ITGB6: variants seen among roughly 807,000 people sequenced by gnomAD.
The protein encoded by ITGB6 is integrin subunit beta 6.
ITGB6 carries 80 observed loss-of-function variants against 84.5 expected under a neutral mutation model. The observed-to-expected ratio is 0.95, with a 90% confidence interval of 0.79 to 1.14. The LOEUF (loss-of-function observed/expected upper bound fraction) is 1.14, where lower values mean the gene tolerates loss of function less well. ITGB6 is among the 50% of genes most tolerant of loss of function. ITGB6 has a pLI of 0.00. For missense variants in ITGB6, 1,006 were observed against 968.0 expected, an observed-to-expected ratio of 1.04 and a Z score of -0.52; for synonymous variants, 383 against 354.9, an observed-to-expected ratio of 1.08 and a Z score of -0.89.
intron 13 of ITGB6, among the ~76,000 whole-genome samples, chr2:160,109,503 G>T (rs966479835): frequency 5.9e-5 from 9 of 152,200 alleles, no homozygotes; most frequent in Non-Finnish European, 1.2e-4. Flanking sequence ...CTCCAGGAGG[G>T]ACTAAAGAAG....
At chr2:160,188,100 A>G (rs906198287) in intron 4 of ITGB6, among the ~76,000 whole-genome samples, 1 of 152,200 alleles carries the variant, frequency 6.6e-6, no homozygotes, top group Non-Finnish European at 1.5e-5. Context: ...GCTCAAAGAG[A>G]GTAATGGTTT....
chr2:160,109,724 A>C (rs1246652533), intron 13 of ITGB6, among the ~76,000 whole-genome samples: 1 of 152,224 alleles, frequency 6.6e-6, no homozygotes, highest in African/African-American at 2.4e-5. Flanking sequence ...CACTGTGGGC[A>C]ATGTGGCCCA....
intron 7 of ITGB6, among the ~76,000 whole-genome samples, chr2:160,151,221 AG>A (rs1377046135): frequency 6.6e-6 from 1 of 152,238 alleles, no homozygotes; most frequent in African/African-American, 2.4e-5. Flanking sequence ...CAAATGTAAA[AG>A]AACAGAAATC....
chr2:160,142,772 A>G (rs867604370), intron 7 of ITGB6, among the ~76,000 whole-genome samples: 1 of 152,018 alleles, frequency 6.6e-6, no homozygotes, highest in African/African-American at 2.4e-5. Context: ...GTTCATCATC[A>G]CTCCAGGCAT....
At chr2:160,122,310 A>G (rs953771733) in intron 12 of ITGB6, among the ~76,000 whole-genome samples, 3 of 152,204 alleles carry the variant, frequency 2.0e-5, no homozygotes, top group African/African-American at 7.2e-5. Context: ...ATCTACTCAA[A>G]AAAACCTGTG....
In ITGB6 at chr2:160,189,130, T is replaced by C. The variant is rs187250708; in HGVS notation, c.593+6239A>G. ...GGATTCCCTATTTAATAAATGGTGC[T>C]GGGAAAACTGGCTAGCCATATGTAA... On this transcript the variant is annotated intron_variant, in intron 4 of 14. Coordinates refer to ENST00000283249, the MANE Select transcript of ITGB6 (RefSeq NM_000888.5). Among the ~76,000 whole-genome samples the C allele has an allele frequency of 1.6e-4, 25 of 152,240 alleles. No homozygotes were observed. The East Asian group carries it at 4.2e-3, about 26-fold the overall frequency.
Position 160,142,839 on chromosome 2 carries a change from C to A in ITGB6, c.1018-768G>T, listed in dbSNP as rs59514950. On this transcript the variant is annotated intron_variant, in intron 7 of 14. Coordinates refer to ENST00000283249, the MANE Select transcript of ITGB6 (RefSeq NM_000888.5). ...GAAGGGAATTTTCCAGACAGCTGGA[C>A]ATTTCCCCACCCTGGAGTTTTATGT... 8.5e-3 allele frequency among the ~76,000 whole-genome samples: 1,288 copies of A among 152,336 alleles called. 25 individuals are homozygous for A. Among genetic ancestry groups the A allele is most frequent in the African/African-American group, 0.03 (1,244 of 41,580 alleles).
intron 4 of ITGB6, among the ~76,000 whole-genome samples, chr2:160,192,063 A>T (rs1222744625): frequency 6.6e-6 from 1 of 152,176 alleles, no homozygotes; most frequent in African/African-American, 2.4e-5. Context: ...CCACAAATTG[A>T]TCTATGGTTT....
chr2:160,169,477 GGT>G (rs1346669166), intron 6 of ITGB6, among the ~76,000 whole-genome samples, 170 bp from the exon 7 acceptor site: 1 of 152,102 alleles, frequency 6.6e-6, no homozygotes, highest in African/African-American at 2.4e-5. Flanking sequence ...TCACTTAGTT[GGT>G]TTAATAATCT....
At chr2:160,105,861 C>A (rs1243700035) in intron 14 of ITGB6, among the ~76,000 whole-genome samples, 1 of 152,156 alleles carries the variant, frequency 6.6e-6, no homozygotes, top group Admixed American at 6.5e-5. Flanking sequence ...ACCTGTTTAC[C>A]TTTTACATTG....
intron 5 of ITGB6, among the ~76,000 whole-genome samples, chr2:160,173,612 G>A (rs1013263257): frequency 1.3e-5 from 2 of 152,170 alleles, no homozygotes; most frequent in Non-Finnish European, 2.9e-5. Context: ...AACATATACT[G>A]ACGTAGAGCA....
intron 10 of ITGB6, 37 bp from the exon 11 acceptor site, chr2:160,126,638 A>C: frequency 1.3e-6 from 2 of 1,582,432 alleles, no homozygotes; most frequent in East Asian, 2.3e-5. Context: ...TCACAGCCCC[A>C]AAACACTTGC....
chr2:160,132,354 A>G (rs964645911), intron 10 of ITGB6, among the ~76,000 whole-genome samples: 5 of 152,274 alleles, frequency 3.3e-5, no homozygotes, highest in Non-Finnish European at 5.9e-5. Context: ...TATTCTCAGA[A>G]GAACTTATTG....
chr2:160,153,896 C>T (rs980362070), intron 7 of ITGB6, among the ~76,000 whole-genome samples: 1 of 152,176 alleles, frequency 6.6e-6, no homozygotes, highest in Non-Finnish European at 1.5e-5. Flanking sequence ...CCATCTCACA[C>T]TAATTAGAAT....
chr2:160,168,158 G>C (rs1245898706), intron 7 of ITGB6, among the ~76,000 whole-genome samples: 1 of 152,176 alleles, frequency 6.6e-6, no homozygotes, highest in African/African-American at 2.4e-5. Context: ...TGCAGCAGAA[G>C]GCAATCTCAC....
intron 11 of ITGB6, 118 bp from the exon 12 acceptor site, chr2:160,124,006 A>C (rs1020031063): frequency 4.7e-6 from 3 of 639,342 alleles, no homozygotes; most frequent in Admixed American, 3.0e-5. Flanking sequence ...CATAGATGTC[A>C]TTATCTTTTG....
intron 7 of ITGB6, among the ~76,000 whole-genome samples, chr2:160,167,490 A>G (rs574312977): frequency 5.7e-4 from 87 of 152,338 alleles, no homozygotes; most frequent in Admixed American, 1.0e-3. Context: ...CTTTGAATTT[A>G]GTGAAGGCTG....
In ITGB6 at chr2:160,100,030, C is replaced by A. The variant is rs142958838; in HGVS notation, c.*1706G>T. 1.6e-4 allele frequency: 24 copies of A among 152,278 alleles called. No homozygotes were observed. Among genetic ancestry groups the A allele is most frequent in the African/African-American group, 5.5e-4 (23 of 41,556 alleles). The allele number at this position is 152,278 out of a possible 1,614,324, so 9.4% of individuals were successfully genotyped here. Reference sequence around the variant, plus strand: ...CCAGGTTCTGCGCATCAGTCAGGAACATAAAGGGTATATCAGCCCTTCGGA... The same window carrying A: ...CCAGGTTCTGCGCATCAGTCAGGAAAATAAAGGGTATATCAGCCCTTCGGA... On this transcript the variant is annotated 3_prime_UTR_variant, in exon 15 of 15. Coordinates refer to ENST00000283249, the MANE Select transcript of ITGB6 (RefSeq NM_000888.5).
Position 160,126,562 on chromosome 2 carries a change from C to T in ITGB6, c.1700G>A (p.Ser567Asn), listed in dbSNP as rs1385559013. ...DCDCGECVCR[S>N]GWTGEYCNCT... is the part of the protein sequence containing the mutation. ...GTTGCAGTACTCGCCAGTCCAGCCGCTCCTGCACACACATTCACCACAGTC... is the reference window on the plus strand; with the variant it reads ...GTTGCAGTACTCGCCAGTCCAGCCGTTCCTGCACACACATTCACCACAGTC... The change falls in exon 11 of 15, where the codon AGC becomes AAC. Residue 567 changes from serine (S) to asparagine (N), a missense_variant. By Grantham distance (46) the Ser-to-Asn change is conservative (BLOSUM62 1). Transcript: ENST00000283249. 2 of 1,613,762 alleles carry T rather than the reference C, an allele frequency of 1.2e-6. No individual in the cohort carries two copies. The highest frequency in any genetic ancestry group is 1.1e-5 in the South Asian group (1 of 91,066).
Sources: gnomAD v4.1 joint callset for allele counts (sites outside exome capture counted in the v4.1 genomes callset) on GRCh38, gnomAD v4.1.1 for gene constraint, MANE v1.5 for transcripts, NCBI Gene and HGNC (gene_info 2026-07-23, HGNC 2026-07-21) for gene names.